TAFA2: variants seen among roughly 807,000 people sequenced by gnomAD.
TAFA2 encodes the protein chemokine-like protein TAFA-2.
In TAFA2, 7 loss-of-function variants were observed where a neutral mutation model predicts 18.8. The observed-to-expected ratio is 0.37, with a 90% CI of 0.21 to 0.70. The LOEUF (loss-of-function observed/expected upper bound fraction) is 0.70, where lower values mean the gene tolerates loss of function less well. Among genes scored for constraint, TAFA2 ranks in the 30% least tolerant of loss-of-function variants. The pLI is 0.53. For synonymous variants in TAFA2, 60 were observed against 54.2 expected (o/e 1.11, Z -0.47); for missense variants, 122 against 158.1 (o/e 0.77, Z 1.23).
chr12:61,911,890 G>A (rs764959380), intron 1 of TAFA2, among the ~76,000 whole-genome samples: 1 of 152,148 alleles, frequency 6.6e-6, no homozygotes, highest in Non-Finnish European at 1.5e-5. Flanking sequence ...AAGAAAAGAT[G>A]TAGAGAACAA....
chr12:61,866,985 G>A (rs980858498), intron 2 of TAFA2, among the ~76,000 whole-genome samples: 3 of 150,450 alleles, frequency 2.0e-5, no homozygotes, highest in South Asian at 2.1e-4. Context: ...TGTGCACAAC[G>A]TGCAGGTTTG....
intron 1 of TAFA2, among the ~76,000 whole-genome samples, chr12:62,122,988 AC>A (rs1302199686): frequency 5.9e-5 from 9 of 151,834 alleles, no homozygotes; most frequent in African/African-American, 2.2e-4. Flanking sequence ...AGCTCATATC[AC>A]CCTTGAAGCT....
chr12:61,909,204 C>G (rs1276717216), intron 1 of TAFA2, among the ~76,000 whole-genome samples: 1 of 152,098 alleles, frequency 6.6e-6, no homozygotes, highest in Non-Finnish European at 1.5e-5. Flanking sequence ...TTTCAAGGTT[C>G]CATTATTTTA....
intron 1 of TAFA2, among the ~76,000 whole-genome samples, chr12:61,971,038 C>G (rs181599085): frequency 2.6e-5 from 4 of 151,454 alleles, no homozygotes; most frequent in African/African-American, 9.7e-5. Context: ...CAAAATAGAT[C>G]ATTATTGAAC....
chr12:62,245,488 A>C (rs561498710), intron 1 of TAFA2, among the ~76,000 whole-genome samples: 3 of 151,630 alleles, frequency 2.0e-5, no homozygotes, highest in Admixed American at 2.0e-4. Flanking sequence ...AATAGAGACA[A>C]TTTTCCTCTT....
intron 1 of TAFA2, among the ~76,000 whole-genome samples, chr12:62,081,494 G>GTTTT (rs1249820528): frequency 6.6e-6 from 1 of 151,226 alleles, no homozygotes; most frequent in African/African-American, 2.4e-5. Context: ...TTGTTTGTTT[G>GTTTT]TTTGTTTTGA....
In TAFA2 at chr12:62,110,612, C is replaced by CTTT. The variant is rs68008958; in HGVS notation, c.-2+80644_-2+80646dup. Among the ~76,000 whole-genome samples, 354 of 104,774 alleles carry CTTT rather than the reference C, an allele frequency of 3.4e-3. 9 individuals are homozygous for CTTT. Among genetic ancestry groups the CTTT allele is most frequent in the Non-Finnish European group, 4.4e-3 (234 of 53,716 alleles). The allele number at this position is 104,774 out of a possible 152,430, so 68.7% of individuals were successfully genotyped here. A position where few individuals can be genotyped will look rare whatever the true frequency, so the allele number is the denominator to read the frequency against. ...AGCTGTGAATCCATCTGGTCCTGGG[C>CTTT]TTTTTTTTTTTTTTTTTTTGGTTGG... is the stretch of plus-strand genomic sequence containing the variant. On this transcript the variant is annotated intron_variant, in intron 1 of 4. Coordinates refer to ENST00000416284, the MANE Select transcript of TAFA2 (RefSeq NM_178539.5).
intron 1 of TAFA2, among the ~76,000 whole-genome samples, chr12:61,904,851 G>C (rs1374916578): frequency 1.3e-5 from 2 of 152,122 alleles, no homozygotes; most frequent in Non-Finnish European, 2.9e-5. Context: ...TTTTCAGTGT[G>C]CCTAAAGGTT....
At chr12:62,146,005 A>T (rs958299265) in intron 1 of TAFA2, among the ~76,000 whole-genome samples, 3 of 152,194 alleles carry the variant, frequency 2.0e-5, no homozygotes, top group African/African-American at 7.2e-5. Flanking sequence ...ATGCCAAATG[A>T]TGGGAATGTT....
intron 1 of TAFA2, chr12:61,878,109 G>A: frequency 2.2e-6 from 1 of 455,214 alleles, no homozygotes; most frequent in Non-Finnish European, 4.4e-6. Flanking sequence ...CAAATTCGTT[G>A]AGACAGAAAG....
chr12:62,144,521 A>G (rs1428447184), intron 1 of TAFA2, among the ~76,000 whole-genome samples: 2 of 152,202 alleles, frequency 1.3e-5, no homozygotes, highest in African/African-American at 4.8e-5. Flanking sequence ...AAGAACCAGC[A>G]CAGAGCTGAC....
intron 1 of TAFA2, among the ~76,000 whole-genome samples, chr12:62,243,669 C>T (rs933361759): frequency 2.0e-5 from 3 of 152,238 alleles, no homozygotes; most frequent in African/African-American, 7.2e-5. Context: ...GCATTCTAAT[C>T]ATTTTATAAA....
At chr12:62,153,370 C>T (rs2062343132) in intron 1 of TAFA2, among the ~76,000 whole-genome samples, 1 of 152,018 alleles carries the variant, frequency 6.6e-6, no homozygotes, top group Admixed American at 6.6e-5. Flanking sequence ...AATCAAAGTG[C>T]CAGTATCAGT....
intron 1 of TAFA2, chr12:62,104,746 G>C (rs1461390307): frequency 2.2e-6 from 1 of 455,200 alleles, no homozygotes; most frequent in Admixed American, 2.4e-5. Flanking sequence ...AAATTTACCT[G>C]GTAATCGGGG....
chr12:62,045,049 T>C (rs1881874115), intron 1 of TAFA2, among the ~76,000 whole-genome samples: 1 of 152,164 alleles, frequency 6.6e-6, no homozygotes, highest in African/African-American at 2.4e-5. Flanking sequence ...ATCCGTTAGA[T>C]ATAGCAATAG....
intron 1 of TAFA2, among the ~76,000 whole-genome samples, chr12:62,134,639 T>C (rs1042049037): frequency 6.6e-6 from 1 of 152,100 alleles, no homozygotes; most frequent in Non-Finnish European, 1.5e-5. Flanking sequence ...GTGGCTATGA[T>C]TTGTTTCCTT....
In TAFA2 at chr12:61,985,680, G is replaced by A. The variant is rs1053287650; in HGVS notation, c.-1-118254C>T. On this transcript the variant is annotated intron_variant, in intron 1 of 4. Transcript: ENST00000416284. ...GAAGTTCTCCCAATTTCTCTAACTTGCTGATAACATCTTTCTCTTTCTGTT... is the reference window on the plus strand; with the variant it reads ...GAAGTTCTCCCAATTTCTCTAACTTACTGATAACATCTTTCTCTTTCTGTT... Among the ~76,000 whole-genome samples, 5 of 152,274 alleles carry A rather than the reference G, an allele frequency of 3.3e-5. No homozygotes were observed. The South Asian group carries it at 8.3e-4, about 25-fold the overall frequency.
intron 2 of TAFA2, among the ~76,000 whole-genome samples, chr12:61,789,337 A>T (rs1870876200): frequency 6.6e-6 from 1 of 151,872 alleles, no homozygotes; most frequent in African/African-American, 2.4e-5. Context: ...CAAGGAAGGG[A>T]TCCAGTTTCA....
At chr12:61,970,245 C>A (rs1879203726) in intron 1 of TAFA2, among the ~76,000 whole-genome samples, 1 of 151,500 alleles carries the variant, frequency 6.6e-6, no homozygotes, top group Non-Finnish European at 1.5e-5. Context: ...TGGTAGATAT[C>A]ATCAAATCAG....
Sources: allele counts gnomAD v4.1 joint callset (sites outside exome capture counted in the v4.1 genomes callset), GRCh38; gene constraint gnomAD v4.1.1; transcripts MANE v1.5; gene names NCBI Gene and HGNC (gene_info 2026-07-23, HGNC 2026-07-21).